Variants in MAGI2 observed in about 807,000 individuals in gnomAD.
MAGI2 encodes membrane-associated guanylate kinase, WW and PDZ domain-containing protein 2.
Under a neutral mutation model 133.3 loss-of-function variants are expected in MAGI2, and 35 were observed. The ratio of observed to expected loss-of-function variants is 0.26; its 90% CI spans 0.20 to 0.35. MAGI2 has a LOEUF of 0.35. MAGI2 is among the 10% of genes least tolerant of loss of function. The probability of loss-of-function intolerance (pLI) is 1.00; values close to 1 mark genes in which losing one functional copy is unlikely to be tolerated. For missense variants in MAGI2, 1,636 were observed against 1,863.4 expected (o/e 0.88, Z 2.25); for synonymous variants, 729 against 710.6 (o/e 1.03, Z -0.41).
At chr7:78,757,882 G>A (rs556265793) in intron 2 of MAGI2, among the ~76,000 whole-genome samples, 9 of 152,176 alleles carry the variant, frequency 5.9e-5, no homozygotes, top group South Asian at 2.1e-4. Flanking sequence ...ACTCCCAAAC[G>A]TGCATTTTAC....
At chr7:79,119,510 G>T (rs917963234) in intron 1 of MAGI2, among the ~76,000 whole-genome samples, 13 of 152,104 alleles carry the variant, frequency 8.5e-5, no homozygotes, top group African/African-American at 2.9e-4. Flanking sequence ...TCAAATGGAT[G>T]AAAAGTAAAA....
At chr7:79,076,962 A>G (rs890942628) in intron 1 of MAGI2, among the ~76,000 whole-genome samples, 7 of 152,210 alleles carry the variant, frequency 4.6e-5, no homozygotes, top group African/African-American at 1.7e-4. Flanking sequence ...GAAAAGCAGA[A>G]AATGGAAAAT....
chr7:78,879,533 G>C (rs1399223651), intron 2 of MAGI2, among the ~76,000 whole-genome samples: 1 of 151,884 alleles, frequency 6.6e-6, no homozygotes, highest in African/African-American at 2.4e-5. Context: ...AGGAGGGCAA[G>C]AGGAAAATAA....
chr7:78,630,410 T>A (rs1808842927), intron 2 of MAGI2, among the ~76,000 whole-genome samples: 1 of 132,882 alleles, frequency 7.5e-6, no homozygotes, highest in South Asian at 2.5e-4. Flanking sequence ...TTTTTGTGTT[T>A]AACTTTTTTT....
intron 21 of MAGI2, chr7:78,078,590 T>C (rs1815609742): frequency 2.7e-6 from 1 of 375,646 alleles, no homozygotes; most frequent in Non-Finnish European, 4.7e-6. Flanking sequence ...GATAAATTAC[T>C]GTGTACTCAA....
intron 2 of MAGI2, among the ~76,000 whole-genome samples, chr7:78,894,090 A>T (rs1377203135): frequency 6.6e-6 from 1 of 152,190 alleles, no homozygotes; most frequent in Non-Finnish European, 1.5e-5. Context: ...AAAGAAAGTA[A>T]CCAGATGATT....
chr7:78,785,540 A>T (rs1217541965), intron 2 of MAGI2, among the ~76,000 whole-genome samples: 2 of 151,902 alleles, frequency 1.3e-5, no homozygotes, highest in Admixed American at 6.6e-5. Context: ...TATGTGTAAC[A>T]TTTTTTTTAT....
chr7:78,507,078 T>C (rs1055828705), intron 4 of MAGI2, among the ~76,000 whole-genome samples: 8 of 152,162 alleles, frequency 5.3e-5, no homozygotes, highest in Admixed American at 5.2e-4. Flanking sequence ...TTAATATCTA[T>C]AGTGTGTAAG....
At chr7:79,068,246 T>C (rs1814577813) in intron 1 of MAGI2, among the ~76,000 whole-genome samples, 1 of 152,150 alleles carries the variant, frequency 6.6e-6, no homozygotes, top group South Asian at 2.1e-4. Context: ...GACTTCTTTT[T>C]GTTGGTAGGC....
intron 2 of MAGI2, among the ~76,000 whole-genome samples, chr7:78,889,421 T>C (rs866342145): frequency 2.6e-5 from 4 of 152,090 alleles, no homozygotes; most frequent in Non-Finnish European, 5.9e-5. Context: ...CCAAGACACA[T>C]AATTGTCAGA....
chr7:78,842,756 A>C (rs2151465702), intron 2 of MAGI2, among the ~76,000 whole-genome samples: 1 of 152,048 alleles, frequency 6.6e-6, no homozygotes, highest in East Asian at 1.9e-4. Context: ...TCCAAAAGTA[A>C]TTTATTTCAG....
chr7:78,638,488 C>T (rs1308536776), intron 2 of MAGI2, among the ~76,000 whole-genome samples: 1 of 152,184 alleles, frequency 6.6e-6, no homozygotes, highest in African/African-American at 2.4e-5. Context: ...TCCATCTTTA[C>T]CTCACTTGCA....
chr7:78,223,602 CTAAA>C (rs1294209972), intron 10 of MAGI2, among the ~76,000 whole-genome samples: 6 of 152,032 alleles, frequency 3.9e-5, no homozygotes, highest in South Asian at 2.1e-4. Context: ...TATTAATATA[CTAAA>C]TAATCAAAAA....
At chr7:78,494,490 A>G (rs1200915548) in intron 5 of MAGI2, among the ~76,000 whole-genome samples, 2 of 152,004 alleles carry the variant, frequency 1.3e-5, no homozygotes, top group Admixed American at 1.3e-4. Flanking sequence ...CCAGTTTTTC[A>G]TTCACTCTAG....
At chr7:78,889,406 C>A (rs935162570) in intron 2 of MAGI2, among the ~76,000 whole-genome samples, 3 of 152,146 alleles carry the variant, frequency 2.0e-5, no homozygotes, top group Non-Finnish European at 4.4e-5. Context: ...TCGAGAAGAG[C>A]AACTCCAAGA....
chr7:79,098,663 A>G (rs1472220212), intron 1 of MAGI2, among the ~76,000 whole-genome samples: 1 of 152,166 alleles, frequency 6.6e-6, no homozygotes, highest in African/African-American at 2.4e-5. Flanking sequence ...ATTTTTGTAT[A>G]TTGTTCCAAA....
intron 9 of MAGI2, among the ~76,000 whole-genome samples, chr7:78,327,685 C>T (rs572186749): frequency 2.0e-5 from 3 of 152,266 alleles, no homozygotes; most frequent in African/African-American, 7.2e-5. Context: ...CACTCAATAT[C>T]CCCTGATAAG....
At chr7:79,013,340 TTC>T (rs1808371905) in intron 1 of MAGI2, among the ~76,000 whole-genome samples, 1 of 152,188 alleles carries the variant, frequency 6.6e-6, no homozygotes, top group Non-Finnish European at 1.5e-5. Context: ...AGACCTTATC[TTC>T]ATCAAATAAG....
In MAGI2 at chr7:79,052,437, G is replaced by C. The variant is rs570363410; in HGVS notation, c.302-45231C>G. On this transcript the variant is annotated intron_variant, in intron 1 of 21. Transcript: ENST00000354212. Reference sequence around the variant, plus strand: ...TTTGAGCATGGCACCATGTGCACCTGCATGGGTCGCACACCCATGAGGCTG... The same window carrying C: ...TTTGAGCATGGCACCATGTGCACCTCCATGGGTCGCACACCCATGAGGCTG... 2.0e-5 allele frequency among the ~76,000 whole-genome samples: 3 copies of C among 152,278 alleles called. No individual in the cohort carries two copies. In the East Asian group the frequency reaches 5.8e-4, roughly 29 times the overall value.
Sources: gnomAD v4.1 joint callset for allele counts (sites outside exome capture counted in the v4.1 genomes callset) on GRCh38, gnomAD v4.1.1 for gene constraint, MANE v1.5 for transcripts, NCBI Gene and HGNC (gene_info 2026-07-23, HGNC 2026-07-21) for gene names.